The following SIKE1 variants were observed in gnomAD, a reference collection of about 807,000 sequenced individuals.
SIKE1 encodes the protein suppressor of IKK epsilon.
Under a neutral mutation model 25.8 loss-of-function variants are expected in SIKE1, and 13 were observed. That is an observed-to-expected ratio of 0.50 (90% CI 0.33 to 0.80). SIKE1 has a LOEUF of 0.80. Among genes scored for constraint, SIKE1 ranks in the 30% least tolerant of loss-of-function variants. The pLI is 0.02. For synonymous variants in SIKE1, 86 were observed against 95.5 expected (o/e 0.90, Z 0.58); for missense variants, 222 against 252.4 (o/e 0.88, Z 0.82).
chr1:114,772,070 CTAATA>C lies in SIKE1; in HGVS notation c.*2196_*2200del, dbSNP rs2101124454. 1 of 152,188 alleles carries C rather than the reference CTAATA, an allele frequency of 6.6e-6. No homozygotes were observed. The highest frequency in any genetic ancestry group is 6.5e-5 in the Admixed American group (1 of 15,288). The allele number at this position is 152,188 out of a possible 1,614,324, so 9.4% of individuals were successfully genotyped here. ...CATAAGATATTGATATAATACTACA[CTAATA>C]TAAGGTACTATTTGTAGAGTTATAC... is the stretch of plus-strand genomic sequence containing the variant. On this transcript the variant is annotated 3_prime_UTR_variant, in exon 5 of 5. Coordinates refer to ENST00000060969, the MANE Select transcript of SIKE1 (RefSeq NM_025073.3).
At position 114,770,215 on chromosome 1, in the gene SIKE1, A is replaced by T. The variant is rs547029039; in HGVS notation, c.*4056T>A. 6.6e-6 allele frequency: 1 copy of T among 152,368 alleles called. No individual in the cohort carries two copies. The highest frequency in any genetic ancestry group is 2.1e-4 in the South Asian group (1 of 4,830). The allele number at this position is 152,368 out of a possible 1,614,324, so 9.4% of individuals were successfully genotyped here. On this transcript the variant is annotated 3_prime_UTR_variant, in exon 5 of 5. Coordinates refer to ENST00000060969, the MANE Select transcript of SIKE1 (RefSeq NM_025073.3). ...TAAGTTCGAGACCAGCCTGGCCAAC[A>T]TGGAGAAACCCCATCTACTAAAAAC...
At chr1:114,778,573 G>C (rs1662312194) in intron 3 of SIKE1, among the ~76,000 whole-genome samples, 1 of 152,138 alleles carries the variant, frequency 6.6e-6, no homozygotes, top group Non-Finnish European at 1.5e-5. Flanking sequence ...TTTCAAAAGA[G>C]ATCTTGGTGA....
rs186320898 is a variant in SIKE1, at chr1:114,771,293, A to G, written c.*2978T>C. 1 of 152,338 alleles carries G rather than the reference A, an allele frequency of 6.6e-6. No homozygotes were observed. The highest frequency in any genetic ancestry group is 2.4e-5 in the African/African-American group (1 of 41,568). The allele number at this position is 152,338 out of a possible 1,614,324, so 9.4% of individuals were successfully genotyped here. A position where few individuals can be genotyped will look rare whatever the true frequency, so the allele number is the denominator to read the frequency against. On this transcript the variant is annotated 3_prime_UTR_variant, in exon 5 of 5. Transcript: ENST00000060969. ...TCATTAGTTAAGACTCCATTTATTG[A>G]ATTCATAATACTTTATAAGCTGTGG...
chr1:114,773,767 G>A lies in SIKE1; in HGVS notation c.*504C>T, dbSNP rs1268937021. 1.3e-5 allele frequency: 2 copies of A among 152,590 alleles called. No homozygotes were observed. Among genetic ancestry groups the A allele is most frequent in the Admixed American group, 1.3e-4 (2 of 15,266 alleles). 9.5% of individuals were successfully genotyped at this position (152,590 alleles called of 1,614,324 possible). A position where few individuals can be genotyped will look rare whatever the true frequency, so the allele number is the denominator to read the frequency against. ...TCTTAGCACCAGAGAGACTTAAAAT[G>A]TCACAGGTGAATGACATTACAAATC... On this transcript the variant is annotated 3_prime_UTR_variant, in exon 5 of 5. Transcript: ENST00000060969.
chr1:114,776,938 C>A (rs1662260000), intron 3 of SIKE1, among the ~76,000 whole-genome samples: 1 of 152,186 alleles, frequency 6.6e-6, no homozygotes, highest in Non-Finnish European at 1.5e-5. Context: ...AGGATGAGTT[C>A]ATGTCCTTTG....
rs1325892527 is a variant in SIKE1, at chr1:114,780,185, T to C, written c.190A>G (p.Met64Val). Reference protein sequence around the residue: ...YQEDASDMKDMSKYKPHILLS... With the variant: ...YQEDASDMKDVSKYKPHILLS... ...AGAATGTGAGGTTTGTATTTGGACA[T>C]GTCCTTCATATCGGATGCATCCTCT... Residue 64 changes from methionine to valine, a missense_variant, in exon 2 of 5, where the codon ATG becomes GTG. Transcript: ENST00000060969. 6.2e-7 allele frequency: 1 copy of C among 1,613,910 alleles called. No individual in the cohort carries two copies. The highest frequency in any genetic ancestry group is 1.7e-5 in the Admixed American group (1 of 59,956).
At position 114,780,442 on chromosome 1, in the gene SIKE1, G is replaced by C; in HGVS notation, c.159+7C>G. Reference sequence around the variant, plus strand: ...CGAGAGCACTGGACTCCTACCCTCTGCCTGACCTGGTCCGGAAGCGCTGTC... The same window carrying C: ...CGAGAGCACTGGACTCCTACCCTCTCCCTGACCTGGTCCGGAAGCGCTGTC... On this transcript the variant is annotated splice_region_variant and intron_variant, in intron 1 of 4. Transcript: ENST00000060969. The C allele has an allele frequency of 6.2e-7, 1 of 1,609,678 alleles. No individual in the cohort carries two copies. Among genetic ancestry groups the C allele is most frequent in the Non-Finnish European group, 8.5e-7 (1 of 1,179,998 alleles).
chr1:114,779,339 CAA>C, intron 2 of SIKE1, 55 bp from the exon 3 acceptor site: 5 of 1,583,280 alleles, frequency 3.2e-6, no homozygotes, highest in Non-Finnish European at 4.3e-6. Context: ...TTCCCAAATC[CAA>C]AGTCTTAACA....
At chr1:114,777,545 A>G (rs1290108565) in intron 3 of SIKE1, among the ~76,000 whole-genome samples, 1 of 152,220 alleles carries the variant, frequency 6.6e-6, no homozygotes, top group African/African-American at 2.4e-5. Context: ...CACTCATGTC[A>G]TCATCTCATG....
intron 3 of SIKE1, 109 bp downstream of exon 3, chr1:114,779,033 G>A (rs1473607542): frequency 7.4e-7 from 1 of 1,354,670 alleles, no homozygotes; most frequent in African/African-American, 1.4e-5. Flanking sequence ...CCACGGCCTG[G>A]TCGACAAGAG....
chr1:114,778,946 G>A (rs559436304), intron 3 of SIKE1, 196 bp downstream of exon 3: 6 of 603,716 alleles, frequency 9.9e-6, no homozygotes, highest in Admixed American at 6.0e-5. Context: ...AGTCCCAGCT[G>A]CTCCGGAGGC....
At chr1:114,779,339 C>T in intron 2 of SIKE1, 55 bp from the exon 3 acceptor site, 1 of 1,583,280 alleles carries the variant, frequency 6.3e-7, no homozygotes, top group South Asian at 1.1e-5. Flanking sequence ...TTCCCAAATC[C>T]AAAGTCTTAA....
intron 3 of SIKE1, among the ~76,000 whole-genome samples, chr1:114,777,491 G>A (rs1038464208): frequency 1.3e-5 from 2 of 152,136 alleles, no homozygotes; most frequent in Admixed American, 6.5e-5. Context: ...ATGTGAACAT[G>A]GGGAATTTTA....
intron 2 of SIKE1, among the ~76,000 whole-genome samples, chr1:114,779,798 T>A (rs1662350209): frequency 6.6e-6 from 1 of 152,206 alleles, no homozygotes; most frequent in African/African-American, 2.4e-5. Flanking sequence ...CTTCAGTGTT[T>A]ATATTAATAC....
chr1:114,772,090 TAG>T lies in SIKE1; in HGVS notation c.*2179_*2180del, dbSNP rs1662085881. 1 of 152,192 alleles carries T rather than the reference TAG, an allele frequency of 6.6e-6. No homozygotes were observed. Among genetic ancestry groups the T allele is most frequent in the Non-Finnish European group, 1.5e-5 (1 of 68,012 alleles). 9.4% of individuals were successfully genotyped at this position (152,192 alleles called of 1,614,324 possible). ...CTACACTAATATAAGGTACTATTTG[TAG>T]AGTTATACACTGCTGAATATACTGT... is the stretch of plus-strand genomic sequence containing the variant. On this transcript the variant is annotated 3_prime_UTR_variant, in exon 5 of 5. Transcript: ENST00000060969.
At chr1:114,776,797 T>C (rs1028754896) in intron 3 of SIKE1, among the ~76,000 whole-genome samples, 46 of 152,170 alleles carry the variant, frequency 3.0e-4, no homozygotes, top group South Asian at 1.2e-3. Context: ...TAAAGACACA[T>C]GCACACATGT....
At chr1:114,778,482 A>G (rs1662309676) in intron 3 of SIKE1, among the ~76,000 whole-genome samples, 1 of 152,226 alleles carries the variant, frequency 6.6e-6, no homozygotes, top group South Asian at 2.1e-4. Flanking sequence ...TGTATAAGTA[A>G]TAACCAACCA....
In SIKE1 at chr1:114,780,680, A is replaced by T; in HGVS notation, c.-73T>A. The T allele has an allele frequency of 7.4e-7, 1 of 1,349,570 alleles. No homozygotes were observed. The highest frequency in any genetic ancestry group is 1.0e-6 in the Non-Finnish European group (1 of 992,312). 83.6% of individuals were successfully genotyped at this position (1,349,570 alleles called of 1,614,324 possible). A position where few individuals can be genotyped will look rare whatever the true frequency, so the allele number is the denominator to read the frequency against. The stretch of plus-strand genomic sequence containing the variant: ...CTCAGATCTTCTGGGAGTCTGTCTC[A>T]GCATTACAGGCGTCATTTCCGGGCA... On this transcript the variant is annotated 5_prime_UTR_variant, in exon 1 of 5. Transcript: ENST00000060969.
chr1:114,780,242 T>C (rs375815504), intron 1 of SIKE1, 27 bp from the exon 2 acceptor site: 1 of 1,583,252 alleles, frequency 6.3e-7, no homozygotes, highest in African/African-American at 1.4e-5. Flanking sequence ...AGACTAAGCA[T>C]GCCTTAAAGA....
Sources: allele counts gnomAD v4.1 joint callset (sites outside exome capture counted in the v4.1 genomes callset), GRCh38; gene constraint gnomAD v4.1.1; transcripts MANE v1.5; gene names NCBI Gene and HGNC (gene_info 2026-07-23, HGNC 2026-07-21).